The following BNC2 variants were observed in gnomAD, a reference collection of about 807,000 sequenced individuals.
BNC2 encodes the protein basonuclin zinc finger protein 2.
BNC2 carries 20 observed loss-of-function variants against 76.3 expected under a neutral mutation model. That is an observed-to-expected ratio of 0.26 (90% CI 0.18 to 0.38). BNC2 has a LOEUF of 0.38. BNC2 is among the 10% of genes least tolerant of loss of function. The probability of loss-of-function intolerance (pLI) is 1.00; values close to 1 mark genes in which losing one functional copy is unlikely to be tolerated. For missense variants in BNC2, 1,382 were observed against 1,399.8 expected (o/e 0.99, Z 0.20); for synonymous variants, 582 against 514.8 (o/e 1.13, Z -1.77).
At chr9:16,481,490 C>T (rs559466854) in intron 5 of BNC2, among the ~76,000 whole-genome samples, 1 of 152,166 alleles carries the variant, frequency 6.6e-6, no homozygotes, top group African/African-American at 2.4e-5. Flanking sequence ...AAGGAAGAAA[C>T]TCCAAACACA....
chr9:16,692,293 C>T (rs562530499), intron 3 of BNC2, among the ~76,000 whole-genome samples: 1 of 152,286 alleles, frequency 6.6e-6, no homozygotes, highest in African/African-American at 2.4e-5. Context: ...GGTTAACTTA[C>T]TTTCTATCCT....
At chr9:16,795,323 C>A (rs139216576) in intron 1 of BNC2, among the ~76,000 whole-genome samples, 1 of 151,222 alleles carries the variant, frequency 6.6e-6, no homozygotes, top group Admixed American at 6.6e-5. Context: ...CCAATCTGCA[C>A]GCCTCTACAC....
At chr9:16,632,908 A>G (rs957080827) in intron 3 of BNC2, among the ~76,000 whole-genome samples, 1 of 152,174 alleles carries the variant, frequency 6.6e-6, no homozygotes, top group African/African-American at 2.4e-5. Context: ...GTTTTATAGG[A>G]GGGTAGGTTT....
chr9:16,533,729 G>T (rs1239200654), intron 5 of BNC2, among the ~76,000 whole-genome samples: 1 of 152,048 alleles, frequency 6.6e-6, no homozygotes, highest in East Asian at 1.9e-4. Context: ...ACTGCTATTT[G>T]TAAATCACAT....
In BNC2 at chr9:16,419,593, A is replaced by G; in HGVS notation, c.2696T>C (p.Met899Thr). 1.9e-6 allele frequency: 3 copies of G among 1,594,018 alleles called. No homozygotes were observed. Among genetic ancestry groups the G allele is most frequent in the African/African-American group, 1.4e-5 (1 of 71,734 alleles). Residue 899 changes from methionine to threonine, a missense_variant, in exon 7 of 7, where the codon ATG (methionine) becomes ACG (threonine). This residue lies in a region of BNC2 where 798 missense variants were observed against 775.5 expected (regional missense o/e 1.03). Transcript: ENST00000380672. ...RKLLTKELDD[M>T]GLDSSQPSLS... ...GGAGGGCTGCGACGAGTCCAGGCCC[A>G]TGTCATCGAGTTCTTTGGTCAACAG...
At chr9:16,868,840 T>C (rs1192014388) in intron 1 of BNC2, among the ~76,000 whole-genome samples, 2 of 152,194 alleles carry the variant, frequency 1.3e-5, no homozygotes, top group Admixed American at 1.3e-4. Context: ...TTCTGTTAAC[T>C]TGTACAAGGT....
At chr9:16,635,299 G>A (rs1821289864) in intron 3 of BNC2, among the ~76,000 whole-genome samples, 1 of 152,122 alleles carries the variant, frequency 6.6e-6, no homozygotes, top group South Asian at 2.1e-4. Context: ...AACACTAGTA[G>A]GTTAACAGTG....
At chr9:16,621,191 GC>G (rs773964573) in intron 3 of BNC2, among the ~76,000 whole-genome samples, 29 of 152,294 alleles carry the variant, frequency 1.9e-4, no homozygotes, top group South Asian at 4.1e-4. Flanking sequence ...GATCTGGAGA[GC>G]AGACAGAGGG....
At chr9:16,813,391 G>C (rs1409829818) in intron 1 of BNC2, among the ~76,000 whole-genome samples, 1 of 151,016 alleles carries the variant, frequency 6.6e-6, no homozygotes, top group Non-Finnish European at 1.5e-5. Flanking sequence ...TCAGCCTCCC[G>C]AGTAGCTGGG....
Position 16,419,236 on chromosome 9 carries a change from T to G in BNC2, c.3053A>C (p.Glu1018Ala). Reference sequence around the variant, plus strand: ...GCTGAACATAAGAGATCCTGAAACTTCAGCCCCTAGGCTGCCAGGGAGGGC... The same window carrying G: ...GCTGAACATAAGAGATCCTGAAACTGCAGCCCCTAGGCTGCCAGGGAGGGC... ...APALPGSLGA[E>A]VSGSLMFSSL... Residue 1018 changes from glutamate to alanine, a missense_variant, in exon 7 of 7, where the codon GAA becomes GCA. Around this residue, in one of 3 missense-constraint regions of BNC2, gnomAD observed 798 missense variants for 775.5 expected, o/e 1.03. Transcript: ENST00000380672. 1 of 1,614,176 alleles carries G rather than the reference T, an allele frequency of 6.2e-7. No homozygotes were observed. Among genetic ancestry groups the G allele is most frequent in the Non-Finnish European group, 8.5e-7 (1 of 1,180,044 alleles).
chr9:16,549,905 G>A (rs1193754271), intron 5 of BNC2, among the ~76,000 whole-genome samples: 2 of 152,100 alleles, frequency 1.3e-5, no homozygotes, highest in East Asian at 1.9e-4. Flanking sequence ...CTCCTCTAAT[G>A]TAAAAATCAT....
intron 1 of BNC2, among the ~76,000 whole-genome samples, chr9:16,786,567 G>C (rs1563942789): frequency 6.6e-6 from 1 of 152,134 alleles, no homozygotes; most frequent in Admixed American, 6.5e-5. Flanking sequence ...CAACAGATAT[G>C]AAATGTAAAC....
Position 16,846,733 on chromosome 9 carries a change from G to A in BNC2, c.3+23913C>T, listed in dbSNP as rs143484004. Among the ~76,000 whole-genome samples the A allele has an allele frequency of 5.3e-5, 8 of 152,272 alleles. No individual in the cohort carries two copies. In the East Asian group the frequency reaches 1.5e-3, roughly 29 times the overall value. On this transcript the variant is annotated intron_variant, in intron 1 of 6. Coordinates refer to ENST00000380672, the MANE Select transcript of BNC2 (RefSeq NM_017637.6). The stretch of plus-strand genomic sequence containing the variant: ...TCTACAATACACTTTTACAAAAGAA[G>A]CCCCAAATTATTTTAGACCAATCCA...
chr9:16,791,581 C>G (rs974132502), intron 1 of BNC2, among the ~76,000 whole-genome samples: 2 of 152,152 alleles, frequency 1.3e-5, no homozygotes, highest in East Asian at 3.9e-4. Context: ...CACCTTCTGA[C>G]TGATAACATC....
intron 5 of BNC2, among the ~76,000 whole-genome samples, chr9:16,529,202 C>CT (rs1817903553): frequency 1.3e-5 from 2 of 152,126 alleles, no homozygotes; most frequent in Admixed American, 1.3e-4. Context: ...TGCAAAAACC[C>CT]TTTTTTCCAA....
chr9:16,757,600 T>C (rs1188900304), intron 1 of BNC2, among the ~76,000 whole-genome samples: 1 of 152,112 alleles, frequency 6.6e-6, no homozygotes, highest in Non-Finnish European at 1.5e-5. Flanking sequence ...ACTCCATTGT[T>C]AACAACAACA....
At chr9:16,685,680 G>A (rs1311002542) in intron 3 of BNC2, 4 of 1,201,964 alleles carry the variant, frequency 3.3e-6, no homozygotes, top group Non-Finnish European at 4.5e-6. Flanking sequence ...GCTGAGAACT[G>A]CACACAGTCA....
At chr9:16,736,888 T>C (rs4961740) in intron 2 of BNC2, among the ~76,000 whole-genome samples, 136,955 of 151,560 alleles carry the variant, frequency 0.9, 61,903 homozygotes, top group Non-Finnish European at 0.91. Flanking sequence ...CTCACCGCAA[T>C]CTCCGCCTCC....
chr9:16,514,063 T>A (rs768210930), intron 5 of BNC2, among the ~76,000 whole-genome samples: 1 of 152,178 alleles, frequency 6.6e-6, no homozygotes, highest in Non-Finnish European at 1.5e-5. Flanking sequence ...CTTTCTTCTC[T>A]GAGATGGCAG....
Sources: allele counts gnomAD v4.1 joint callset (sites outside exome capture counted in the v4.1 genomes callset), GRCh38; gene constraint gnomAD v4.1.1; regional missense constraint gnomAD v4.1.1; transcripts MANE v1.5; gene names NCBI Gene and HGNC (gene_info 2026-07-23, HGNC 2026-07-21).